Variants in PDE1A observed in about 807,000 individuals in gnomAD.
PDE1A encodes the protein dual specificity calcium/calmodulin-dependent 3',5'-cyclic nucleotide phosphodiesterase 1A.
PDE1A carries 35 observed loss-of-function variants against 61.7 expected under a neutral mutation model. The ratio of observed to expected loss-of-function variants is 0.57; its 90% CI spans 0.43 to 0.75. The LOEUF is 0.75. PDE1A is among the 30% of genes least tolerant of loss of function. The probability of loss-of-function intolerance (pLI) is 0.00; values close to 1 mark genes in which losing one functional copy is unlikely to be tolerated. For missense variants in PDE1A, 597 were observed against 630.6 expected (o/e 0.95, Z 0.57); for synonymous variants, 232 against 213.2 (o/e 1.09, Z -0.77).
At chr2:182,696,253 C>A in the PDE1A span, among the ~76,000 whole-genome samples, 1 of 152,156 alleles carries the variant, frequency 6.6e-6, no homozygotes, top group Non-Finnish European at 1.5e-5. Context: ...AACTATAGTA[C>A]ATCCAGACAA....
the PDE1A span, among the ~76,000 whole-genome samples, chr2:182,713,529 G>A: frequency 6.6e-6 from 1 of 152,164 alleles, no homozygotes; most frequent in Non-Finnish European, 1.5e-5. Flanking sequence ...TACTTGGGAG[G>A]CTGAGACAGG....
chr2:182,418,703 C>T (rs536255609), intron 1 of PDE1A, among the ~76,000 whole-genome samples: 1 of 152,324 alleles, frequency 6.6e-6, no homozygotes, highest in South Asian at 2.1e-4. Flanking sequence ...TATGCCCTCG[C>T]ACACCAACAC....
chr2:182,420,773 T>C (rs1215062629), intron 1 of PDE1A, among the ~76,000 whole-genome samples: 2 of 152,190 alleles, frequency 1.3e-5, no homozygotes, highest in African/African-American at 4.8e-5. Context: ...GGCTTGGATA[T>C]TACAAAGATA....
intron 7 of PDE1A, among the ~76,000 whole-genome samples, chr2:182,222,106 C>A (rs559268792): frequency 5.3e-5 from 8 of 151,982 alleles, no homozygotes; most frequent in African/African-American, 1.9e-4. Flanking sequence ...ATGCTTATAT[C>A]AGTATTATTC....
the PDE1A span, among the ~76,000 whole-genome samples, chr2:182,561,154 T>C: frequency 1.3e-5 from 2 of 151,290 alleles, no homozygotes; most frequent in African/African-American, 2.4e-5. Context: ...TGAATGGTAA[T>C]GCCTAGGTTT....
At chr2:182,292,228 G>C (rs1052484742) in intron 1 of PDE1A, among the ~76,000 whole-genome samples, 2 of 151,920 alleles carry the variant, frequency 1.3e-5, no homozygotes, top group Non-Finnish European at 2.9e-5. Context: ...CCTATCATCT[G>C]ATTAGAATGC....
chr2:182,627,269 AAAT>A, the PDE1A span, among the ~76,000 whole-genome samples: 3 of 103,064 alleles, frequency 2.9e-5, 1 homozygote, highest in African/African-American at 4.0e-5. Flanking sequence ...ATTTATATAT[AAAT>A]AATATATAAA....
intron 6 of PDE1A, among the ~76,000 whole-genome samples, chr2:182,225,934 G>C (rs1689106502): frequency 6.7e-6 from 1 of 149,860 alleles, no homozygotes; most frequent in South Asian, 2.1e-4. Context: ...ATTTAATTGT[G>C]AGTCATTAAA....
chr2:182,556,332 G>A, the PDE1A span, among the ~76,000 whole-genome samples: 1 of 152,150 alleles, frequency 6.6e-6, no homozygotes, highest in African/African-American at 2.4e-5. Flanking sequence ...TGGTGAGAGA[G>A]GAAGAGAGAG....
intron 1 of PDE1A, among the ~76,000 whole-genome samples, chr2:182,339,595 C>T (rs1265284032): frequency 6.6e-6 from 1 of 152,172 alleles, no homozygotes; most frequent in Non-Finnish European, 1.5e-5. Flanking sequence ...TAAAAATGGC[C>T]TGAGTTCTAC....
chr2:182,675,359 G>A, the PDE1A span, among the ~76,000 whole-genome samples: 9 of 152,244 alleles, frequency 5.9e-5, no homozygotes, highest in African/African-American at 1.7e-4. Flanking sequence ...ATCTGTCATA[G>A]ATGGGCATTT....
chr2:182,257,151 T>C (rs1691879634), intron 2 of PDE1A, among the ~76,000 whole-genome samples: 1 of 152,230 alleles, frequency 6.6e-6, no homozygotes, highest in Non-Finnish European at 1.5e-5. Flanking sequence ...GTCTCCTCTT[T>C]GGTAGCTCCA....
chr2:182,485,151 G>A (rs1687937583), intron 2 of PDE1A, among the ~76,000 whole-genome samples: 1 of 152,070 alleles, frequency 6.6e-6, no homozygotes, highest in African/African-American at 2.4e-5. Context: ...TAAAGAAAAT[G>A]TGGTACATAT....
chr2:182,239,823 T>G (rs983522799), intron 3 of PDE1A, among the ~76,000 whole-genome samples: 2 of 152,222 alleles, frequency 1.3e-5, no homozygotes, highest in Admixed American at 6.5e-5. Context: ...CAGAATTGTT[T>G]TTAAACAGTT....
At chr2:182,565,302 G>T in the PDE1A span, among the ~76,000 whole-genome samples, 2 of 152,186 alleles carry the variant, frequency 1.3e-5, no homozygotes, top group Non-Finnish European at 1.5e-5. Context: ...GTCTGTTGGA[G>T]TTTGCTAGAG....
At chr2:182,615,735 G>A in the PDE1A span, among the ~76,000 whole-genome samples, 1 of 152,106 alleles carries the variant, frequency 6.6e-6, no homozygotes, top group Admixed American at 6.5e-5. Context: ...TCATACCATG[G>A]TGGAAGGTAG....
intron 2 of PDE1A, among the ~76,000 whole-genome samples, chr2:182,443,012 C>T (rs1293032107): frequency 6.6e-6 from 1 of 151,734 alleles, no homozygotes; most frequent in Non-Finnish European, 1.5e-5. Context: ...GTAATAAACC[C>T]AACCAAAATA....
chr2:182,258,019 T>A (rs1691951793), intron 2 of PDE1A, among the ~76,000 whole-genome samples: 1 of 151,826 alleles, frequency 6.6e-6, no homozygotes, highest in East Asian at 1.9e-4. Context: ...GACAAAAAAA[T>A]TAGCTGGGTG....
intron 2 of PDE1A, among the ~76,000 whole-genome samples, chr2:182,481,002 A>G (rs1559501063): frequency 6.6e-6 from 1 of 151,900 alleles, no homozygotes; most frequent in Non-Finnish European, 1.5e-5. Context: ...AGGTGGGACA[A>G]AAATAGAGAA....
Sources: gnomAD v4.1 joint callset for allele counts (sites outside exome capture counted in the v4.1 genomes callset) on GRCh38, gnomAD v4.1.1 for gene constraint, MANE v1.5 for transcripts, NCBI Gene and HGNC (gene_info 2026-07-23, HGNC 2026-07-21) for gene names.